OPCML: variants seen among roughly 807,000 people sequenced by gnomAD.
OPCML encodes the protein opioid binding protein/cell adhesion molecule like, also known as opioid-binding protein/cell adhesion molecule.
Under a neutral mutation model 37.8 loss-of-function variants are expected in OPCML, and 13 were observed. The observed-to-expected ratio is 0.34, with a 90% CI of 0.22 to 0.55. OPCML has a LOEUF of 0.55. Among genes scored for constraint, OPCML ranks in the 20% least tolerant of loss-of-function variants. The pLI is 0.91. For synonymous variants in OPCML, 176 were observed against 168.8 expected (o/e 1.04, Z -0.33); for missense variants, 341 against 435.6 (o/e 0.78, Z 1.93).
At chr11:132,444,986 C>G (rs139516773) in intron 4 of OPCML, among the ~76,000 whole-genome samples, 1 of 152,240 alleles carries the variant, frequency 6.6e-6, no homozygotes, top group Non-Finnish European at 1.5e-5. Flanking sequence ...GGAGGCCAAG[C>G]GCCTGGTCAA....
At position 132,416,313 on chromosome 11, in the gene OPCML, A is replaced by G. The variant is rs943769165; in HGVS notation, c.*3880T>C. On this transcript the variant is annotated 3_prime_UTR_variant, in exon 8 of 8. Coordinates refer to ENST00000524381, the MANE Select transcript of OPCML (RefSeq NM_001012393.5). ...ATGCCCCACCACCAGATCTTACCTC[A>G]TCTTAAGCCATTCCTCCCCTCCTAC... 6.6e-6 allele frequency: 1 copy of G among 152,120 alleles called. No homozygotes were observed. Among genetic ancestry groups the G allele is most frequent in the African/African-American group, 2.4e-5 (1 of 41,424 alleles). The allele number at this position is 152,120 out of a possible 1,614,324, so 9.4% of individuals were successfully genotyped here.
At chr11:132,707,881 AC>A (rs1322491795) in intron 2 of OPCML, among the ~76,000 whole-genome samples, 1 of 152,204 alleles carries the variant, frequency 6.6e-6, no homozygotes, top group Non-Finnish European at 1.5e-5. Flanking sequence ...AAAAATTATA[AC>A]CATTGAGCCT....
intron 1 of OPCML, among the ~76,000 whole-genome samples, chr11:133,522,635 A>G (rs748232716): frequency 3.9e-5 from 6 of 152,318 alleles, no homozygotes; most frequent in Non-Finnish European, 8.8e-5. Context: ...AGCGTAACAG[A>G]TTGGGAGGCA....
At chr11:133,209,214 A>G (rs1939249036) in intron 1 of OPCML, among the ~76,000 whole-genome samples, 1 of 152,260 alleles carries the variant, frequency 6.6e-6, no homozygotes, top group Admixed American at 6.5e-5. Context: ...TATAAGGACA[A>G]GGACTGTGTG....
In OPCML at chr11:133,206,145, T is replaced by G. The variant is rs1373721287; in HGVS notation, c.62-263135A>C. Among the ~76,000 whole-genome samples, 2 of 152,176 alleles carry G rather than the reference T, an allele frequency of 1.3e-5. No individual in the cohort carries two copies. The highest frequency in any genetic ancestry group is 4.8e-5 in the African/African-American group (2 of 41,430). On this transcript the variant is annotated intron_variant, in intron 1 of 7. Transcript: ENST00000524381. The surrounding 1 kb of genome is among the most constrained non-coding windows in gnomAD (Gnocchi z 4.7). ...TATTGGCTATATTTTATAAGGCTGT[T>G]TCAAGGTTTCAAAAAGACAATGCAC...
chr11:133,177,623 G>A lies in OPCML; in HGVS notation c.62-234613C>T, dbSNP rs1019918518. On this transcript the variant is annotated intron_variant, in intron 1 of 7. Coordinates refer to ENST00000524381, the MANE Select transcript of OPCML (RefSeq NM_001012393.5). The surrounding 1 kb of genome is among the most constrained non-coding windows in gnomAD (Gnocchi z 5.0). ...CAACTCCAGTTCTGTACCCGACCCT[G>A]CCCGGACTGCCCCATGGTGCAATTC... Among the ~76,000 whole-genome samples, 16 of 152,104 alleles carry A rather than the reference G, an allele frequency of 1.1e-4. No homozygotes were observed. Among genetic ancestry groups the A allele is most frequent in the African/African-American group, 3.6e-4 (15 of 41,414 alleles).
At chr11:133,075,528 G>T (rs1246042389) in intron 1 of OPCML, among the ~76,000 whole-genome samples, 1 of 152,180 alleles carries the variant, frequency 6.6e-6, no homozygotes, top group Non-Finnish European at 1.5e-5. Flanking sequence ...TGCTGCAGGG[G>T]CTCTGCTCTG....
At chr11:132,666,427 G>A (rs1942222117) in intron 2 of OPCML, among the ~76,000 whole-genome samples, 1 of 151,822 alleles carries the variant, frequency 6.6e-6, no homozygotes, top group Non-Finnish European at 1.5e-5. Flanking sequence ...TATCATTCAT[G>A]AGGAATCCAC....
At chr11:133,224,889 G>A (rs780094707) in intron 1 of OPCML, among the ~76,000 whole-genome samples, 11 of 152,072 alleles carry the variant, frequency 7.2e-5, no homozygotes, top group Non-Finnish European at 1.2e-4. Flanking sequence ...ATCCTCCTAG[G>A]CTTGGCCTTG....
At chr11:132,427,480 G>T (rs548614771) in intron 7 of OPCML, among the ~76,000 whole-genome samples, 1 of 152,130 alleles carries the variant, frequency 6.6e-6, no homozygotes, top group Admixed American at 6.5e-5. Flanking sequence ...TAATTACAGC[G>T]GCAAACGTGG....
intron 1 of OPCML, among the ~76,000 whole-genome samples, chr11:133,240,262 T>C (rs1271339384): frequency 6.8e-6 from 1 of 147,612 alleles, no homozygotes; most frequent in Non-Finnish European, 1.5e-5. Context: ...CAGACTTCCC[T>C]GCCATCTGTC....
chr11:132,904,447 G>A (rs182842421), intron 2 of OPCML, among the ~76,000 whole-genome samples: 39 of 152,262 alleles, frequency 2.6e-4, no homozygotes, highest in Admixed American at 2.0e-3. Flanking sequence ...TATTCTGATC[G>A]AGTTGTCTAA....
chr11:132,708,435 C>A (rs1944124267), intron 2 of OPCML, among the ~76,000 whole-genome samples: 1 of 152,204 alleles, frequency 6.6e-6, no homozygotes, highest in African/African-American at 2.4e-5. Flanking sequence ...ATGTCAATAA[C>A]ACTTCCATAT....
At chr11:132,961,665 G>T (rs553016364) in intron 1 of OPCML, among the ~76,000 whole-genome samples, 28 of 152,364 alleles carry the variant, frequency 1.8e-4, no homozygotes, top group African/African-American at 6.7e-4. Flanking sequence ...GGTCAGCTCT[G>T]TGGCCTTTGG....
At chr11:133,421,266 CG>C (rs1945880095) in intron 1 of OPCML, 1 of 985,214 alleles carries the variant, frequency 1.0e-6, no homozygotes, top group African/African-American at 1.7e-5. Flanking sequence ...CATTGCCAAA[CG>C]TGAGTGGAAA....
chr11:133,303,041 G>A (rs938070058), intron 1 of OPCML, among the ~76,000 whole-genome samples: 3 of 152,136 alleles, frequency 2.0e-5, no homozygotes, highest in Non-Finnish European at 4.4e-5. Flanking sequence ...ATCGGTTATT[G>A]AGCAAAATAC....
chr11:133,296,849 T>A (rs932898482), intron 1 of OPCML, among the ~76,000 whole-genome samples: 4 of 152,196 alleles, frequency 2.6e-5, no homozygotes, highest in African/African-American at 7.2e-5. Context: ...AGTAAATAGG[T>A]TAACATAGAA....
At chr11:132,764,574 A>C (rs1946374022) in intron 2 of OPCML, among the ~76,000 whole-genome samples, 1 of 152,226 alleles carries the variant, frequency 6.6e-6, no homozygotes, top group Non-Finnish European at 1.5e-5. Context: ...TATCATGAGA[A>C]TCAAACTAGA....
intron 2 of OPCML, among the ~76,000 whole-genome samples, chr11:132,752,494 G>C (rs991097044): frequency 6.6e-6 from 1 of 152,060 alleles, no homozygotes; most frequent in African/African-American, 2.4e-5. Context: ...GAGCCTTGGA[G>C]AGAAATGCAA....
Sources: gnomAD v4.1 joint callset for allele counts (sites outside exome capture counted in the v4.1 genomes callset) on GRCh38, gnomAD v4.1.1 for gene constraint, Gnocchi (gnomAD v3.1) non-coding constraint, MANE v1.5 for transcripts, NCBI Gene and HGNC (gene_info 2026-07-23, HGNC 2026-07-21) for gene names.